MARCHF1: variants seen among roughly 807,000 people sequenced by gnomAD.
The protein encoded by MARCHF1 is membrane associated ring-CH-type finger 1.
A neutral mutation model predicts 54.2 loss-of-function variants in MARCHF1; 40 were observed. That is an observed-to-expected ratio of 0.74 (90% CI 0.57 to 0.96). The LOEUF is 0.96. MARCHF1 is among the 40% of genes least tolerant of loss of function. The pLI, the probability that MARCHF1 is intolerant of heterozygous loss-of-function variation, is 0.00. For synonymous variants in MARCHF1, 236 were observed against 236.3 expected, an observed-to-expected ratio of 1.00 and a Z score of 0.01; for missense variants, 586 against 656.5, an observed-to-expected ratio of 0.89 and a Z score of 1.17.
rs1404929834 is a variant in MARCHF1 at position 164,197,390 on chromosome 4, A to G, written c.-322-85728T>C. 3.7e-6 allele frequency: 6 copies of G among 1,613,118 alleles called. No homozygotes were observed. In the African/African-American group the frequency reaches 8.0e-5, roughly 22 times the overall value. On this transcript the variant is annotated intron_variant, in intron 1 of 9. Transcript: ENST00000514618. The stretch of plus-strand genomic sequence containing the variant: ...AGGTCTAAGCTCTTGAGGTTTTCTA[A>G]CTGTTTCAGTGGCTCTATTGTGCTG...
chr4:164,140,626 C>T lies in MARCHF1; in HGVS notation c.-322-28964G>A, dbSNP rs979843281. On this transcript the variant is annotated intron_variant, in intron 1 of 9. Coordinates refer to ENST00000514618, the MANE Select transcript of MARCHF1 (RefSeq NM_001394959.1). Reference sequence around the variant, plus strand: ...GAGAGATGGATTTCAGACTGATCTGCCAGCTCCTCGGCTACAGCACCCAAC... The same window carrying T: ...GAGAGATGGATTTCAGACTGATCTGTCAGCTCCTCGGCTACAGCACCCAAC... 1.6e-4 allele frequency among the ~76,000 whole-genome samples: 24 copies of T among 152,278 alleles called. No homozygotes were observed. The East Asian group carries it at 4.1e-3, about 26-fold the overall frequency.
intron 5 of MARCHF1, among the ~76,000 whole-genome samples, chr4:163,618,758 A>G (rs1298059857): frequency 6.6e-6 from 1 of 152,138 alleles, no homozygotes; most frequent in African/African-American, 2.4e-5. Flanking sequence ...AATATGATAT[A>G]CTCTGGAAAT....
intron 4 of MARCHF1, among the ~76,000 whole-genome samples, chr4:163,781,779 A>C (rs1374287328): frequency 6.6e-6 from 1 of 152,144 alleles, no homozygotes; most frequent in Admixed American, 6.5e-5. Context: ...AAACAAAAAC[A>C]TTTTCTGTAA....
intron 1 of MARCHF1, among the ~76,000 whole-genome samples, chr4:164,291,575 G>A (rs1248079670): frequency 6.6e-6 from 1 of 151,968 alleles, no homozygotes; most frequent in Non-Finnish European, 1.5e-5. Context: ...CCATCAAAGA[G>A]TATGTGCACT....
At chr4:164,065,652 C>T (rs952874002) in intron 2 of MARCHF1, among the ~76,000 whole-genome samples, 5 of 152,074 alleles carry the variant, frequency 3.3e-5, no homozygotes, top group African/African-American at 1.2e-4. Context: ...CTATGATAGG[C>T]CATCTGTAAG....
intron 5 of MARCHF1, among the ~76,000 whole-genome samples, chr4:163,680,309 C>CCTA (rs1278697480): frequency 2.0e-5 from 3 of 152,216 alleles, no homozygotes; most frequent in Non-Finnish European, 4.4e-5. Flanking sequence ...TTACGCTTAA[C>CCTA]CTACCCAGAA....
At chr4:163,981,733 A>C (rs953067610) in intron 3 of MARCHF1, among the ~76,000 whole-genome samples, 2 of 152,314 alleles carry the variant, frequency 1.3e-5, no homozygotes, top group Admixed American at 1.3e-4. Flanking sequence ...AATGTTGGCT[A>C]ATCAGCGAGT....
At chr4:164,100,518 G>A (rs1755519787) in intron 2 of MARCHF1, among the ~76,000 whole-genome samples, 1 of 152,212 alleles carries the variant, frequency 6.6e-6, no homozygotes, top group South Asian at 2.1e-4. Flanking sequence ...GGCTAAATAA[G>A]AATATGTGTT....
intron 3 of MARCHF1, among the ~76,000 whole-genome samples, chr4:163,984,689 G>T (rs3792674): frequency 0.64 from 96,813 of 152,120 alleles, 30,995 homozygotes; most frequent in East Asian, 0.89. Context: ...GGCTAAGAAT[G>T]TGATTAATAA....
intron 8 of MARCHF1, 71 bp downstream of exon 8, chr4:163,585,678 G>C: frequency 1.6e-6 from 2 of 1,260,972 alleles, no homozygotes; most frequent in Non-Finnish European, 2.2e-6. Flanking sequence ...TATTGGCAAA[G>C]GAAATAGATT....
chr4:164,381,504 TCTC>T (rs1222480980), intron 1 of MARCHF1, among the ~76,000 whole-genome samples: 1 of 152,190 alleles, frequency 6.6e-6, no homozygotes, highest in Non-Finnish European at 1.5e-5. Flanking sequence ...AATCTGTTCT[TCTC>T]AATATACATT....
At chr4:163,759,337 A>G (rs1273573554) in intron 4 of MARCHF1, among the ~76,000 whole-genome samples, 2 of 152,238 alleles carry the variant, frequency 1.3e-5, no homozygotes, top group African/African-American at 2.4e-5. Flanking sequence ...TCCAAAAGGT[A>G]CATGATAATG....
intron 5 of MARCHF1, among the ~76,000 whole-genome samples, chr4:163,687,355 G>A (rs1744301525): frequency 6.6e-6 from 1 of 151,872 alleles, no homozygotes; most frequent in African/African-American, 2.4e-5. Context: ...AGCCTCTCAA[G>A]TAGCTGGGAC....
chr4:164,239,179 A>G (rs190430306), intron 1 of MARCHF1, among the ~76,000 whole-genome samples: 57 of 152,160 alleles, frequency 3.7e-4, no homozygotes, highest in African/African-American at 1.3e-3. Flanking sequence ...ATCCTTCATA[A>G]TTGGTGGACT....
intron 8 of MARCHF1, among the ~76,000 whole-genome samples, chr4:163,557,378 C>G (rs1203102975): frequency 6.6e-6 from 1 of 152,198 alleles, no homozygotes; most frequent in Non-Finnish European, 1.5e-5. Flanking sequence ...TCTAATTAGA[C>G]AGCAGTTGGT....
At chr4:163,567,302 T>C (rs1739676408) in intron 8 of MARCHF1, among the ~76,000 whole-genome samples, 1 of 152,164 alleles carries the variant, frequency 6.6e-6, no homozygotes, top group African/African-American at 2.4e-5. Flanking sequence ...TTCTTTTTGA[T>C]ATTTTCAGAA....
intron 3 of MARCHF1, among the ~76,000 whole-genome samples, chr4:163,890,128 G>T (rs1487755697): frequency 6.7e-6 from 1 of 150,354 alleles, no homozygotes; most frequent in African/African-American, 2.4e-5. Flanking sequence ...TAGAGACAGG[G>T]TTTCACCGTG....
At chr4:164,349,023 G>C (rs1488238139) in intron 1 of MARCHF1, among the ~76,000 whole-genome samples, 4 of 152,094 alleles carry the variant, frequency 2.6e-5, no homozygotes, top group African/African-American at 7.2e-5. Context: ...ATCTGGGAAG[G>C]CTTTACTTTT....
chr4:163,613,534 G>T (rs1274157941), intron 5 of MARCHF1, 141 bp from the exon 6 acceptor site: 2 of 1,563,764 alleles, frequency 1.3e-6, no homozygotes, highest in East Asian at 2.3e-5. Context: ...AGAGAATATA[G>T]GAAGTTTGAG....
Sources: allele counts gnomAD v4.1 joint callset (sites outside exome capture counted in the v4.1 genomes callset), GRCh38; gene constraint gnomAD v4.1.1; transcripts MANE v1.5; gene names NCBI Gene and HGNC (gene_info 2026-07-23, HGNC 2026-07-21).